Variants in STIM2 observed in about 807,000 individuals in gnomAD.
STIM2 encodes the protein stromal interaction molecule 2.
STIM2 carries 31 observed loss-of-function variants against 85.8 expected under a neutral mutation model. That is an observed-to-expected ratio of 0.36 (90% CI 0.27 to 0.49). The LOEUF is 0.49. STIM2 is among the 20% of genes least tolerant of loss of function. The pLI is 0.98. For missense variants in STIM2, 841 were observed against 927.6 expected, an observed-to-expected ratio of 0.91 and a Z score of 1.21; for synonymous variants, 356 against 331.1, an observed-to-expected ratio of 1.08 and a Z score of -0.82.
chr4:26,873,845 G>T (rs1186241055), intron 1 of STIM2: 3 of 1,034,390 alleles, frequency 2.9e-6, no homozygotes, highest in African/African-American at 1.6e-5. Flanking sequence ...TAGTGGGTGG[G>T]TACGTGAACC....
intron 1 of STIM2, among the ~76,000 whole-genome samples, chr4:26,884,584 C>T (rs6855521): frequency 6.6e-6 from 1 of 152,206 alleles, no homozygotes; most frequent in East Asian, 1.9e-4. Flanking sequence ...GAAATTGTGT[C>T]GTTGTATAGG....
intron 1 of STIM2, chr4:26,861,677 C>T: frequency 4.2e-6 from 1 of 238,404 alleles, no homozygotes; most frequent in Middle Eastern, 1.3e-3. Context: ...CCAGCAGGGT[C>T]TGCAGGGGAC....
At chr4:26,882,536 C>T (rs1163036048) in intron 1 of STIM2, among the ~76,000 whole-genome samples, 1 of 151,898 alleles carries the variant, frequency 6.6e-6, no homozygotes, top group African/African-American at 2.4e-5. Flanking sequence ...TAGCTCACTG[C>T]AACCTCTGCC....
intron 3 of STIM2, among the ~76,000 whole-genome samples, chr4:26,970,327 C>T (rs997933206): frequency 6.6e-6 from 1 of 151,170 alleles, no homozygotes; most frequent in African/African-American, 2.4e-5. Flanking sequence ...ATACGTGTGC[C>T]ATGTTGGTTT....
At chr4:26,993,382 A>G (rs781169465) in intron 3 of STIM2, among the ~76,000 whole-genome samples, 3 of 152,038 alleles carry the variant, frequency 2.0e-5, no homozygotes, top group Non-Finnish European at 4.4e-5. Context: ...TCAATATAAA[A>G]CTATCAGTTA....
At chr4:26,929,824 G>C (rs1725137177) in intron 2 of STIM2, among the ~76,000 whole-genome samples, 1 of 151,974 alleles carries the variant, frequency 6.6e-6, no homozygotes, top group African/African-American at 2.4e-5. Context: ...TAGGGCTTGT[G>C]GGAAGGAGAC....
intron 10 of STIM2, among the ~76,000 whole-genome samples, chr4:27,011,259 T>C (rs1728545026): frequency 6.6e-6 from 1 of 152,220 alleles, no homozygotes; most frequent in Non-Finnish European, 1.5e-5. Flanking sequence ...TTTACAACTC[T>C]TTTTGCTCAA....
At chr4:26,901,574 T>C (rs1431457487) in intron 1 of STIM2, among the ~76,000 whole-genome samples, 1 of 152,174 alleles carries the variant, frequency 6.6e-6, no homozygotes, top group Non-Finnish European at 1.5e-5. Flanking sequence ...AAATTTTCCT[T>C]TTTGGGCCTT....
At chr4:26,984,775 G>A (rs1295976030) in intron 3 of STIM2, among the ~76,000 whole-genome samples, 1 of 152,162 alleles carries the variant, frequency 6.6e-6, no homozygotes, top group Admixed American at 6.5e-5. Flanking sequence ...GTTTCTAATA[G>A]GAAAGGTAAT....
Position 26,962,602 on chromosome 4 carries a change from A to G in STIM2, c.397+4876A>G, listed in dbSNP as rs62302536. On this transcript the variant is annotated intron_variant, in intron 3 of 11. Coordinates refer to ENST00000467087, the MANE Select transcript of STIM2 (RefSeq NM_020860.4). ...TGTGTGTGTGTGTGTGTGTGTGTGT[A>G]TGTGTGTCTGTGTCTGTGTGTAGAG... 6.5e-3 allele frequency among the ~76,000 whole-genome samples: 561 copies of G among 86,630 alleles called. 2 individuals carry two copies. Among genetic ancestry groups the G allele is most frequent in the African/African-American group, 0.02 (490 of 24,420 alleles). The allele number at this position is 86,630 out of a possible 152,430, so 56.8% of individuals were successfully genotyped here.
rs761601184 is a variant in STIM2 at position 26,995,386 on chromosome 4, T to C, written c.405T>C (p.Asn135=). The C allele has an allele frequency of 6.4e-7, 1 of 1,572,828 alleles. No individual in the cohort carries two copies. The highest frequency in any genetic ancestry group is 8.6e-7 in the Non-Finnish European group (1 of 1,161,482). Residue 135 remains asparagine, a synonymous_variant, in exon 4 of 12, where the codon AAT becomes AAC. Transcript: ENST00000467087. ...CCCTTTTATCTCCTGCAGTTCATAA[T>C]TGGACCCTTGAAGACACTCTTCAGT...
intron 2 of STIM2, among the ~76,000 whole-genome samples, chr4:26,955,856 AC>A (rs1726221136): frequency 1.3e-5 from 2 of 152,150 alleles, no homozygotes. Context: ...CTGAATGACC[AC>A]ATGTTCAACA....
At chr4:26,885,877 A>C (rs59678983) in intron 1 of STIM2, among the ~76,000 whole-genome samples, 5,083 of 131,994 alleles carry the variant, frequency 0.039, 378 homozygotes, top group African/African-American at 0.11. Context: ...ATATATATGT[A>C]TATGTCTATT....
intron 2 of STIM2, among the ~76,000 whole-genome samples, chr4:26,930,408 G>C (rs1725163379): frequency 1.3e-5 from 2 of 150,980 alleles, no homozygotes; most frequent in South Asian, 4.2e-4. Flanking sequence ...TCCTTTCCTT[G>C]TTCTAGTTTT....
chr4:27,011,949 GAGTTTTTA>G (rs1157541060), intron 10 of STIM2, among the ~76,000 whole-genome samples: 5 of 152,042 alleles, frequency 3.3e-5, no homozygotes, highest in Non-Finnish European at 5.9e-5. Flanking sequence ...GCTCTCCTTA[GAGTTTTTA>G]AGTTTTTCTT....
chr4:26,961,197 G>A (rs767492268), intron 3 of STIM2, among the ~76,000 whole-genome samples: 37 of 152,164 alleles, frequency 2.4e-4, no homozygotes, highest in Admixed American at 9.2e-4. Flanking sequence ...AGTGCATGAA[G>A]ATGAGAACCG....
intron 3 of STIM2, among the ~76,000 whole-genome samples, chr4:26,972,199 G>A (rs1466968702): frequency 6.6e-6 from 1 of 152,110 alleles, no homozygotes; most frequent in Non-Finnish European, 1.5e-5. Flanking sequence ...GGGACAATTT[G>A]ACTTCCTCCT....
At chr4:27,021,731 A>G in intron 11 of STIM2, 1 of 426,458 alleles carries the variant, frequency 2.3e-6, no homozygotes, top group South Asian at 1.7e-5. Context: ...AAGCCGTTGC[A>G]ATCATTTAGT....
chr4:26,909,431 C>G (rs1477795162), intron 1 of STIM2, among the ~76,000 whole-genome samples: 1 of 152,114 alleles, frequency 6.6e-6, no homozygotes, highest in East Asian at 1.9e-4. Context: ...ATTGAAAGTT[C>G]TTTTTTTCTC....
Sources: gnomAD v4.1 joint callset for allele counts (sites outside exome capture counted in the v4.1 genomes callset) on GRCh38, gnomAD v4.1.1 for gene constraint, MANE v1.5 for transcripts, NCBI Gene and HGNC (gene_info 2026-07-23, HGNC 2026-07-21) for gene names.